UBE2L3: variants seen among roughly 807,000 people sequenced by gnomAD.
UBE2L3 encodes the protein ubiquitin-conjugating enzyme E2 L3.
UBE2L3 carries 1 observed loss-of-function variant against 17.8 expected under a neutral mutation model. The ratio of observed to expected loss-of-function variants is 0.06; its 90% CI spans 0.02 to 0.27. The LOEUF (loss-of-function observed/expected upper bound fraction) is 0.27, where lower values mean the gene tolerates loss of function less well. UBE2L3 is among the 10% of genes least tolerant of loss of function. UBE2L3 has a pLI of 1.00. For missense variants in UBE2L3, 40 were observed against 192.6 expected (o/e 0.21, Z 4.69); for synonymous variants, 44 against 68.5 (o/e 0.64, Z 1.76).
chr22:21,616,645 G>A (rs1257257658), intron 3 of UBE2L3, among the ~76,000 whole-genome samples: 3 of 144,350 alleles, frequency 2.1e-5, no homozygotes, highest in South Asian at 2.2e-4. Flanking sequence ...GAGTGAGAGC[G>A]AGACTCCATC....
At chr22:21,592,422 T>C (rs1312374560) in intron 1 of UBE2L3, among the ~76,000 whole-genome samples, 1 of 152,158 alleles carries the variant, frequency 6.6e-6, no homozygotes, top group Admixed American at 6.6e-5. Flanking sequence ...TATTCATCTT[T>C]AGCTTCTCAG....
intron 1 of UBE2L3, among the ~76,000 whole-genome samples, chr22:21,587,387 C>T (rs562501295): frequency 1.3e-5 from 2 of 152,168 alleles, no homozygotes; most frequent in East Asian, 3.9e-4. Flanking sequence ...GACGGGGTTT[C>T]ACCATGTGGT....
At chr22:21,592,823 C>G in intron 1 of UBE2L3, 38 bp from the exon 2 acceptor site, 2 of 1,505,136 alleles carry the variant, frequency 1.3e-6, no homozygotes, top group Non-Finnish European at 1.8e-6. Context: ...TGGTGCTTTC[C>G]CCTATTTGAC....
At chr22:21,611,604 T>G (rs1247046550) in intron 3 of UBE2L3, among the ~76,000 whole-genome samples, 1 of 151,910 alleles carries the variant, frequency 6.6e-6, no homozygotes, top group Non-Finnish European at 1.5e-5. Context: ...TTCCCTGGAG[T>G]TGGATGTGGC....
chr22:21,606,108 C>G (rs1212065298), intron 2 of UBE2L3, among the ~76,000 whole-genome samples: 3 of 152,222 alleles, frequency 2.0e-5, no homozygotes, highest in Admixed American at 6.5e-5. Context: ...ACTCTTTAAG[C>G]TAGGAAGAGG....
chr22:21,569,069 A>G (rs1024411748), intron 1 of UBE2L3, among the ~76,000 whole-genome samples: 1 of 152,146 alleles, frequency 6.6e-6, no homozygotes, highest in African/African-American at 2.4e-5. Flanking sequence ...GCAGTCGTCC[A>G]TTAACCCTTG....
intron 3 of UBE2L3, among the ~76,000 whole-genome samples, chr22:21,611,329 C>T (rs1313018199): frequency 1.3e-5 from 2 of 152,180 alleles, no homozygotes; most frequent in Non-Finnish European, 2.9e-5. Flanking sequence ...CAGAGAGGTG[C>T]AGGCACTGGT....
At chr22:21,601,638 C>T (rs993444556) in intron 2 of UBE2L3, among the ~76,000 whole-genome samples, 3 of 151,734 alleles carry the variant, frequency 2.0e-5, no homozygotes, top group African/African-American at 7.3e-5. Context: ...GACAAGGTTC[C>T]AGAGTGGATC....
chr22:21,564,741 C>T (rs768275549), upstream of UBE2L3, among the ~76,000 whole-genome samples: 10 of 152,214 alleles, frequency 6.6e-5, no homozygotes, highest in African/African-American at 9.6e-5. Flanking sequence ...TGGAATTTCT[C>T]AGCGTAAGCG....
chr22:21,601,967 CAAAA>C (rs781689880), intron 2 of UBE2L3, among the ~76,000 whole-genome samples: 49 of 104,476 alleles, frequency 4.7e-4, no homozygotes, highest in Admixed American at 6.6e-4. Flanking sequence ...GACTCCATCT[CAAAA>C]AAAAAAAAAA....
intron 1 of UBE2L3, chr22:21,568,143 G>A: frequency 9.7e-7 from 1 of 1,031,596 alleles, no homozygotes; most frequent in Non-Finnish European, 1.2e-6. Flanking sequence ...GAAGGCCCGA[G>A]CGCCGGAGCC....
chr22:21,613,781 G>T (rs1429870894), intron 3 of UBE2L3, among the ~76,000 whole-genome samples: 1 of 152,218 alleles, frequency 6.6e-6, no homozygotes, highest in East Asian at 1.9e-4. Flanking sequence ...TGGCTGGGAA[G>T]AGCTGGTAGG....
At chr22:21,592,717 C>A in intron 1 of UBE2L3, 144 bp from the exon 2 acceptor site, 1 of 679,654 alleles carries the variant, frequency 1.5e-6, no homozygotes, top group African/African-American at 1.8e-5. Context: ...CCTCCTTAAC[C>A]ACTCCAAGCA....
intron 2 of UBE2L3, among the ~76,000 whole-genome samples, chr22:21,600,382 T>G (rs1928790527): frequency 2.0e-5 from 3 of 150,978 alleles, no homozygotes; most frequent in African/African-American, 7.3e-5. Context: ...GGGAATACGA[T>G]TGAACTCTTT....
At chr22:21,586,017 C>T (rs1251831352) in intron 1 of UBE2L3, among the ~76,000 whole-genome samples, 4 of 152,142 alleles carry the variant, frequency 2.6e-5, no homozygotes, top group African/African-American at 9.7e-5. Context: ...CTCACTGCAG[C>T]CTCAACCTTT....
At chr22:21,579,791 T>C (rs1434196610) in intron 1 of UBE2L3, among the ~76,000 whole-genome samples, 1 of 151,956 alleles carries the variant, frequency 6.6e-6, no homozygotes, top group Non-Finnish European at 1.5e-5. Flanking sequence ...AAAAAAGTCA[T>C]GATTTTAGTG....
chr22:21,572,572 T>C (rs2148401762), intron 1 of UBE2L3, among the ~76,000 whole-genome samples: 1 of 152,316 alleles, frequency 6.6e-6, no homozygotes, highest in South Asian at 2.1e-4. Context: ...TCTCATTTTA[T>C]TGGAACATTT....
intron 1 of UBE2L3, among the ~76,000 whole-genome samples, chr22:21,557,480 G>T (rs1422573281): frequency 6.6e-6 from 1 of 152,156 alleles, no homozygotes; most frequent in Admixed American, 6.5e-5. Flanking sequence ...TGCAGGAAGC[G>T]GATGGGGAGA....
At chr22:21,590,776 CA>C (rs1928215685) in intron 1 of UBE2L3, among the ~76,000 whole-genome samples, 1 of 152,170 alleles carries the variant, frequency 6.6e-6, no homozygotes, top group Non-Finnish European at 1.5e-5. Context: ...GAGCCAAGGT[CA>C]AAAAAGCCAA....
Sources: gnomAD v4.1 joint callset for allele counts (sites outside exome capture counted in the v4.1 genomes callset) on GRCh38, gnomAD v4.1.1 for gene constraint, MANE v1.5 for transcripts, NCBI Gene and HGNC (gene_info 2026-07-23, HGNC 2026-07-21) for gene names.